AIMP1: variants seen among roughly 807,000 people sequenced by gnomAD.
The protein encoded by AIMP1 is aminoacyl tRNA synthetase complex interacting multifunctional protein 1, also known as aminoacyl tRNA synthase complex-interacting multifunctional protein 1.
Under a neutral mutation model 33.1 loss-of-function variants are expected in AIMP1, and 24 were observed. The ratio of observed to expected loss-of-function variants is 0.73; its 90% CI spans 0.53 to 1.02. The LOEUF is 1.02. Among genes scored for constraint, AIMP1 ranks in the 50% least tolerant of loss-of-function variants. The pLI is 0.00. For missense variants in AIMP1, 367 were observed against 364.8 expected, an observed-to-expected ratio of 1.01 and a Z score of -0.05; for synonymous variants, 120 against 121.5, an observed-to-expected ratio of 0.99 and a Z score of 0.08.
At chr4:106,326,039 G>A (rs1004800408) in intron 2 of AIMP1, among the ~76,000 whole-genome samples, 1 of 152,032 alleles carries the variant, frequency 6.6e-6, no homozygotes, top group African/African-American at 2.4e-5. Context: ...ACTAGTATAG[G>A]TATATAGTCA....
In AIMP1 at chr4:106,338,370, G is replaced by A. The variant is rs1230643895; in HGVS notation, c.772+1333G>A. Among the ~76,000 whole-genome samples the A allele has an allele frequency of 2.6e-5, 4 of 152,288 alleles. No individual in the cohort carries two copies. In the East Asian group the frequency reaches 7.7e-4, roughly 29 times the overall value. ...CCTAGGAAGAAAAAATGGTTTCCTG[G>A]GCTGGGCCCAGGGCCCCCGTGCTGT... is the stretch of plus-strand genomic sequence containing the variant. On this transcript the variant is annotated intron_variant, in intron 6 of 6. Coordinates refer to ENST00000672341, the MANE Select transcript of AIMP1 (RefSeq NM_001142416.2).
At chr4:106,337,402 A>G (rs201860664) in intron 6 of AIMP1, among the ~76,000 whole-genome samples, 5 of 152,228 alleles carry the variant, frequency 3.3e-5, no homozygotes, top group Admixed American at 2.6e-4. Context: ...ATGATAGTGA[A>G]TAAGTCTCAT....
rs1344523797 is a variant in AIMP1, at chr4:106,348,464, G to A, written c.*772G>A. ...TAGCTTCTTTTTAAAGATTATTTGG[G>A]TACCTAATAAAGGATAATTTATATC... On this transcript the variant is annotated 3_prime_UTR_variant, in exon 7 of 7. Transcript: ENST00000672341. The A allele has an allele frequency of 6.6e-6, 1 of 150,592 alleles. No homozygotes were observed. Among genetic ancestry groups the A allele is most frequent in the Non-Finnish European group, 1.5e-5 (1 of 67,720 alleles). 9.3% of individuals were successfully genotyped at this position (150,592 alleles called of 1,614,324 possible). A position where few individuals can be genotyped will look rare whatever the true frequency, so the allele number is the denominator to read the frequency against.
At position 106,348,654 on chromosome 4, in the gene AIMP1, A is replaced by C. The variant is rs1770389944; in HGVS notation, c.*962A>C. ...TTGTAAGAGCAATAAAAATTAATTG[A>C]GGAATTATAAGCCTACAGGTCATCA... On this transcript the variant is annotated 3_prime_UTR_variant, in exon 7 of 7. Transcript: ENST00000672341. 6.6e-6 allele frequency: 1 copy of C among 152,094 alleles called. No individual in the cohort carries two copies. The highest frequency in any genetic ancestry group is 1.5e-5 in the Non-Finnish European group (1 of 68,012). 9.4% of individuals were successfully genotyped at this position (152,094 alleles called of 1,614,324 possible). A position where few individuals can be genotyped will look rare whatever the true frequency, so the allele number is the denominator to read the frequency against.
At position 106,348,817 on chromosome 4, in the gene AIMP1, C is replaced by T. The variant is rs934772883; in HGVS notation, c.*1125C>T. The stretch of plus-strand genomic sequence containing the variant: ...CTTTAACCAGGTTTCAGAATCTGGG[C>T]CTTACCTTTACAGGTTCAACAAAAG... On this transcript the variant is annotated 3_prime_UTR_variant, in exon 7 of 7. Transcript: ENST00000672341. 7.9e-5 allele frequency: 12 copies of T among 152,038 alleles called. No individual in the cohort carries two copies. Among genetic ancestry groups the T allele is most frequent in the African/African-American group, 2.7e-4 (11 of 41,402 alleles). The allele number at this position is 152,038 out of a possible 1,614,324, so 9.4% of individuals were successfully genotyped here. A position where few individuals can be genotyped will look rare whatever the true frequency, so the allele number is the denominator to read the frequency against.
chr4:106,334,762 C>T (rs779481126), intron 5 of AIMP1, among the ~76,000 whole-genome samples: 3 of 151,878 alleles, frequency 2.0e-5, no homozygotes, highest in Non-Finnish European at 4.4e-5. Context: ...CCAGGGAAGA[C>T]CTCAAAAAGA....
At position 106,328,157 on chromosome 4, in the gene AIMP1, T is replaced by A; in HGVS notation, c.305T>A (p.Val102Glu). 6.2e-7 allele frequency: 1 copy of A among 1,613,458 alleles called. No homozygotes were observed. The change falls in exon 4 of 7, where the codon GTA becomes GAA. Residue 102 changes from valine to glutamate, a missense_variant. Transcript: ENST00000672341. ...VSENVIQSTA[V>E]TTVSSGTKEQ... Reference sequence around the variant, plus strand: ...GAAAATGTGATACAGTCTACAGCAGTAACAACCGTATCTTCTGGTACCAAA... The same window carrying A: ...GAAAATGTGATACAGTCTACAGCAGAAACAACCGTATCTTCTGGTACCAAA...
chr4:106,316,204 C>G (rs1484788760), upstream of AIMP1: 2 of 218,888 alleles, frequency 9.1e-6, no homozygotes, highest in African/African-American at 4.6e-5. Context: ...GAGCTTTTCA[C>G]CCTCTACCCT....
At chr4:106,317,046 G>A (rs1768958464) in intron 1 of AIMP1, among the ~76,000 whole-genome samples, 1 of 152,186 alleles carries the variant, frequency 6.6e-6, no homozygotes, top group Non-Finnish European at 1.5e-5. Flanking sequence ...TTTTAGAGAG[G>A]AAGGCACATA....
At chr4:106,343,354 C>T (rs973927360) in intron 6 of AIMP1, among the ~76,000 whole-genome samples, 2 of 151,982 alleles carry the variant, frequency 1.3e-5, no homozygotes, top group Non-Finnish European at 2.9e-5. Context: ...TTTTAAAATT[C>T]TCCGTTAACT....
At chr4:106,318,447 T>A (rs1166980162) in intron 1 of AIMP1, among the ~76,000 whole-genome samples, 2 of 152,168 alleles carry the variant, frequency 1.3e-5, no homozygotes, top group Non-Finnish European at 1.5e-5. Context: ...TATCCAGTAA[T>A]TAGATTGTGT....
intron 1 of AIMP1, among the ~76,000 whole-genome samples, chr4:106,323,971 A>G (rs963715881): frequency 6.6e-6 from 1 of 152,110 alleles, no homozygotes; most frequent in Non-Finnish European, 1.5e-5. Flanking sequence ...CTGATGCTCA[A>G]AAATGAGCCA....
At chr4:106,340,763 G>A (rs1342969613) in intron 6 of AIMP1, among the ~76,000 whole-genome samples, 3 of 152,112 alleles carry the variant, frequency 2.0e-5, no homozygotes, top group Non-Finnish European at 4.4e-5. Context: ...AAGTGTATTT[G>A]TCTTTTTGGT....
intron 4 of AIMP1, among the ~76,000 whole-genome samples, chr4:106,330,240 G>A (rs1257033494): frequency 6.6e-6 from 1 of 152,112 alleles, no homozygotes; most frequent in Non-Finnish European, 1.5e-5. Flanking sequence ...TGCCTAGGAA[G>A]TACATTAGAG....
At position 106,325,113 on chromosome 4, in the gene AIMP1, A is replaced by C. The variant is rs776144362; in HGVS notation, c.104A>C (p.Lys35Thr). ...CAGCAAGTTTCTCTACTTAAGGAGA[A>C]AGCAAGTAAGAAAATTTAAAATTTT... Reference protein sequence around the residue: ...LKQQVSLLKEKAILQATLREE... With the variant: ...LKQQVSLLKETAILQATLREE... The change falls in exon 2 of 7, where the codon AAA (lysine) becomes ACA (threonine). Residue 35 changes from lysine (K) to threonine (T), a missense_variant. Coordinates refer to ENST00000672341, the MANE Select transcript of AIMP1 (RefSeq NM_001142416.2). The C allele has an allele frequency of 9.3e-6, 15 of 1,611,050 alleles. No homozygotes were observed. Among genetic ancestry groups the C allele is most frequent in the Non-Finnish European group, 1.1e-5 (13 of 1,178,262 alleles).
At chr4:106,334,633 T>C (rs1382413411) in intron 5 of AIMP1, among the ~76,000 whole-genome samples, 1 of 152,130 alleles carries the variant, frequency 6.6e-6, no homozygotes, top group East Asian at 1.9e-4. Context: ...GTCAGAAATA[T>C]TACCAAGGTG....
At position 106,348,820 on chromosome 4, in the gene AIMP1, T is replaced by G. The variant is rs1217135524; in HGVS notation, c.*1128T>G. 1 of 152,124 alleles carries G rather than the reference T, an allele frequency of 6.6e-6. No homozygotes were observed. Among genetic ancestry groups the G allele is most frequent in the African/African-American group, 2.4e-5 (1 of 41,444 alleles). The allele number at this position is 152,124 out of a possible 1,614,324, so 9.4% of individuals were successfully genotyped here. A position where few individuals can be genotyped will look rare whatever the true frequency, so the allele number is the denominator to read the frequency against. On this transcript the variant is annotated 3_prime_UTR_variant, in exon 7 of 7. Transcript: ENST00000672341. ...TAACCAGGTTTCAGAATCTGGGCCT[T>G]ACCTTTACAGGTTCAACAAAAGAAT...
rs1769693278 is a variant in AIMP1, at chr4:106,331,853, T to C, written c.573T>C (p.Ser191=). The stretch of plus-strand genomic sequence containing the variant: ...AAATAGCCCCAAGGACAGTTGTCAG[T>C]GGCCTGGTGAATCATGTTCCTCTTG... ...VGEIAPRTVV[S]GLVNHVPLEQ... The change falls in exon 5 of 7, where the codon AGT becomes AGC. Residue 191 remains serine (S), a synonymous_variant. Transcript: ENST00000672341. 4.3e-6 allele frequency: 7 copies of C among 1,614,118 alleles called. No homozygotes were observed. The highest frequency in any genetic ancestry group is 5.9e-6 in the Non-Finnish European group (7 of 1,179,968).
chr4:106,345,679 C>T (rs897566666), intron 6 of AIMP1, among the ~76,000 whole-genome samples: 1 of 151,728 alleles, frequency 6.6e-6, no homozygotes, highest in Non-Finnish European at 1.5e-5. Context: ...TGAAAGCCTG[C>T]ATGTTAGAAG....
Sources: allele counts gnomAD v4.1 joint callset (sites outside exome capture counted in the v4.1 genomes callset), GRCh38; gene constraint gnomAD v4.1.1; transcripts MANE v1.5; gene names NCBI Gene and HGNC (gene_info 2026-07-23, HGNC 2026-07-21).